Variants in ZFX observed in about 807,000 individuals in gnomAD.
ZFX encodes the protein zinc finger protein X-linked, also known as zinc finger X-chromosomal protein.
For missense variants in ZFX, 362 were observed against 628.3 expected (o/e 0.58, Z 4.53); for synonymous variants, 196 against 226.8 (o/e 0.86, Z 1.22).
At position 24,208,374 on chromosome X, in the gene ZFX, A is replaced by G. The variant is rs1601980595; in HGVS notation, c.1093+4A>G. 8.3e-7 allele frequency: 1 copy of G among 1,208,279 alleles called. No homozygotes were observed. The highest frequency in any genetic ancestry group is 1.1e-6 in the Non-Finnish European group (1 of 894,570). ...ATTGCATGGGCAGCAGCTTATGGTA[A>G]GTTGCCCAGCAGCTCTTAGCATTGA... On this transcript the variant is annotated splice_donor_region_variant and intron_variant, in intron 8 of 9. Transcript: ENST00000304543.
chrX:24,176,403 A>G (rs1038339318), intron 4 of ZFX, among the ~76,000 whole-genome samples: 3 of 100,460 alleles, frequency 3.0e-5, no homozygotes, highest in Non-Finnish European at 6.0e-5. Context: ...TTGACTTCCT[A>G]TAATTTCTAA....
chrX:24,153,369 G>A (rs1932431916), intron 3 of ZFX, among the ~76,000 whole-genome samples: 1 of 111,189 alleles, frequency 9.0e-6, no homozygotes, highest in Admixed American at 9.6e-5. Context: ...CCGCAGGGGA[G>A]GTTGCAGGAG....
chrX:24,176,519 G>A (rs1935159600), intron 4 of ZFX, among the ~76,000 whole-genome samples: 1 of 91,473 alleles, frequency 1.1e-5, no homozygotes, highest in Non-Finnish European at 2.1e-5. Flanking sequence ...TGCAACCTCC[G>A]TCTCCTGGGT....
intron 4 of ZFX, among the ~76,000 whole-genome samples, chrX:24,174,733 C>A (rs2905243): frequency 0.46 from 49,761 of 108,242 alleles, 8,500 homozygotes; most frequent in South Asian, 0.78. Flanking sequence ...TTTCTTTTAG[C>A]GGCAGGGTCT....
rs191110331 is a variant in ZFX, at chrX:24,180,442, T to C, written c.646+672T>C. On this transcript the variant is annotated intron_variant, in intron 5 of 9. Transcript: ENST00000304543. Reference sequence around the variant, plus strand: ...TGTCGTCCAGGCTGGAGTGCAGTGGTGCGATCTCAGCTCACTGTAAACTCT... The same window carrying C: ...TGTCGTCCAGGCTGGAGTGCAGTGGCGCGATCTCAGCTCACTGTAAACTCT... 9.0e-3 allele frequency among the ~76,000 whole-genome samples: 962 copies of C among 107,124 alleles called. 10 individuals are homozygous for C. The highest frequency in any genetic ancestry group is 0.031 in the African/African-American group (897 of 29,329). The allele number at this position is 107,124 out of a possible 115,157, so 93.0% of individuals were successfully genotyped here.
At chrX:24,180,413 G>T (rs1196097527) in intron 5 of ZFX, among the ~76,000 whole-genome samples, 1 of 103,094 alleles carries the variant, frequency 9.7e-6, no homozygotes, top group African/African-American at 3.6e-5. Context: ...GGAGAGTCTT[G>T]CTCTGTCGTC....
At chrX:24,178,411 C>A (rs1218342956) in intron 4 of ZFX, among the ~76,000 whole-genome samples, 3 of 107,579 alleles carry the variant, frequency 2.8e-5, no homozygotes, top group Admixed American at 1.0e-4. Context: ...GCCTCAGCCT[C>A]CCAAGTAACT....
intron 5 of ZFX, among the ~76,000 whole-genome samples, chrX:24,186,071 A>G (rs1175671340): frequency 9.0e-6 from 1 of 111,589 alleles, no homozygotes; most frequent in African/African-American, 3.3e-5. Flanking sequence ...GAATGTGAAG[A>G]TACCATTATC....
chrX:24,201,934 C>G (rs1937325375), intron 5 of ZFX, among the ~76,000 whole-genome samples: 1 of 111,700 alleles, frequency 9.0e-6, no homozygotes, highest in African/African-American at 3.3e-5. Context: ...TAAGCTTGTC[C>G]TGGATCACTC....
At chrX:24,200,359 T>C (rs963267878) in intron 5 of ZFX, among the ~76,000 whole-genome samples, 2 of 111,670 alleles carry the variant, frequency 1.8e-5, no homozygotes, top group Non-Finnish European at 3.8e-5. Flanking sequence ...TCTGTGTGTT[T>C]CCAGCCACAT....
At chrX:24,209,069 C>T in intron 9 of ZFX, 29 bp downstream of exon 9, 4 of 1,211,336 alleles carry the variant, frequency 3.3e-6, no homozygotes, top group East Asian at 3.0e-5. Context: ...CATGGCGCAG[C>T]GTGCTCTGCG....
At chrX:24,175,051 TTTC>T (rs964058276) in intron 4 of ZFX, among the ~76,000 whole-genome samples, 2 of 112,316 alleles carry the variant, frequency 1.8e-5, no homozygotes, top group Admixed American at 9.5e-5. Context: ...TGTGTGTGTG[TTTC>T]TTAACAACTT....
chrX:24,212,847 T>A lies in ZFX; in HGVS notation c.*1471T>A, dbSNP rs1427799895. ...GGATAAGGAAAGTCTGAGGCCTTAT[T>A]TGGAACATCACTAAGTCTTCCACAG... On this transcript the variant is annotated 3_prime_UTR_variant, in exon 10 of 10. Transcript: ENST00000304543. 8.9e-6 allele frequency: 1 copy of A among 112,482 alleles called. No homozygotes were observed. Among genetic ancestry groups the A allele is most frequent in the Admixed American group, 9.4e-5 (1 of 10,619 alleles). 9.3% of individuals were successfully genotyped at this position (112,482 alleles called of 1,213,427 possible).
intron 4 of ZFX, chrX:24,177,877 T>A (rs757645125): frequency 1.3e-6 from 1 of 744,774 alleles, no homozygotes. Context: ...GTAAAACACA[T>A]ATAATGAAGG....
chrX:24,176,244 G>A (rs750985473), intron 4 of ZFX, among the ~76,000 whole-genome samples: 10 of 107,705 alleles, frequency 9.3e-5, no homozygotes, highest in African/African-American at 3.4e-4. Context: ...TCTCCATGTT[G>A]GTCAGGCTGG....
chrX:24,152,618 A>T (rs192034042), intron 2 of ZFX, 102 bp from the exon 3 acceptor site: 90 of 112,381 alleles, frequency 8.0e-4, no homozygotes, highest in African/African-American at 2.7e-3. Flanking sequence ...AGTGCATTGC[A>T]TGAGGCTGAC....
rs920559586 is a variant in ZFX, at chrX:24,214,273, GTCCC to G, written c.*2904_*2907del. ...AGAAATATCCTATTAAATATTGTATGTCCCTCCCTCTGTACACTTTGTAAAGAAA... is the reference window on the plus strand; with the variant it reads ...AGAAATATCCTATTAAATATTGTATGTCCCTCTGTACACTTTGTAAAGAAA... On this transcript the variant is annotated 3_prime_UTR_variant, in exon 10 of 10. Transcript: ENST00000304543. 3.6e-5 allele frequency: 4 copies of G among 111,672 alleles called. No individual in the cohort carries two copies. Among genetic ancestry groups the G allele is most frequent in the African/African-American group, 1.3e-4 (4 of 30,668 alleles). The allele number at this position is 111,672 out of a possible 1,213,427, so 9.2% of individuals were successfully genotyped here. A position where few individuals can be genotyped will look rare whatever the true frequency, so the allele number is the denominator to read the frequency against.
At chrX:24,180,474 C>T (rs1035337225) in intron 5 of ZFX, among the ~76,000 whole-genome samples, 1 of 108,289 alleles carries the variant, frequency 9.2e-6, no homozygotes, top group Non-Finnish European at 1.9e-5. Flanking sequence ...CTCTGCCTCT[C>T]GAGTTCAAGT....
chrX:24,210,657 A>G lies in ZFX; in HGVS notation c.1699A>G (p.Met567Val). ...TCACCCGTCAGAGCTCAAAAAGCAC[A>G]TGAGAATCCATACTGGGGAGAAGCC... is the stretch of plus-strand genomic sequence containing the variant. ...FRHPSELKKH[M>V]RIHTGEKPYQ... is the part of the protein sequence containing the mutation. Residue 567 changes from methionine (M) to valine (V), a missense_variant, in exon 10 of 10, where the codon ATG becomes GTG. Transcript: ENST00000304543. 2.5e-6 allele frequency: 3 copies of G among 1,211,907 alleles called. No individual in the cohort carries two copies. Among genetic ancestry groups the G allele is most frequent in the East Asian group, 3.0e-5 (1 of 33,839 alleles).
Sources: allele counts gnomAD v4.1 joint callset (sites outside exome capture counted in the v4.1 genomes callset), GRCh38; gene constraint gnomAD v4.1.1; transcripts MANE v1.5; gene names NCBI Gene and HGNC (gene_info 2026-07-23, HGNC 2026-07-21).